OR51B2: variants seen among roughly 807,000 people sequenced by gnomAD.
OR51B2 encodes olfactory receptor family 51 subfamily B member 2.
For synonymous variants in OR51B2, 158 were observed against 135.3 expected (o/e 1.17, Z -1.16); for missense variants, 463 against 380.1 (o/e 1.22, Z -1.81).
In OR51B2 at chr11:5,323,534, C is replaced by A; in HGVS notation, c.764G>T (p.Gly255Val). ...CVLIFYVTVM[G>V]LTFIYRFGKN... ...CCCAAATCTGTAAATGAATGTCAAACCCATCACTGTAACATAGAAGATAAG... is the reference window on the plus strand; with the variant it reads ...CCCAAATCTGTAAATGAATGTCAAAACCATCACTGTAACATAGAAGATAAG... Residue 255 changes from glycine (G) to valine (V), a missense_variant, in exon 1 of 1, where the codon GGT becomes GTT. Transcript: ENST00000624187. The A allele has an allele frequency of 6.2e-7, 1 of 1,613,644 alleles. No homozygotes were observed. The highest frequency in any genetic ancestry group is 8.5e-7 in the Non-Finnish European group (1 of 1,179,686).
In OR51B2 at chr11:5,323,689, TA is replaced by T; in HGVS notation, c.608del (p.Leu203Ter). On this transcript the variant is annotated frameshift_variant, in exon 1 of 1. Transcript: ENST00000624187. LOFTEE classifies it low-confidence loss of function (END_TRUNC). ...NRLYPVILIS[L>X]TIFLDCLIIL... Reference sequence around the variant, plus strand: ...TGATCAGACAGTCTAGGAAGATTGTTAAAGAGATCAAAATTACAGGGTAAAG... The same window carrying T: ...TGATCAGACAGTCTAGGAAGATTGTTAAGAGATCAAAATTACAGGGTAAAG... The T allele has an allele frequency of 2.5e-6, 4 of 1,612,728 alleles. No homozygotes were observed. The East Asian group carries it at 8.9e-5, about 36-fold the overall frequency.
Position 5,324,293 on chromosome 11 carries a change from C to T in OR51B2, c.5G>A (p.Trp2Ter), listed in dbSNP as rs1564906753. Residue 2 changes from tryptophan (W) to a stop codon, truncating the protein, a stop_gained, in exon 1 of 1, where the codon TGG (tryptophan) becomes TAG (stop). Transcript: ENST00000624187. LOFTEE classifies it low-confidence loss of function (END_TRUNC). Reference sequence around the variant, plus strand: ...AAAAGGGGCTGCAGTAATATTGGGCCACATAGTGTATCCACCGGTAAAGAT... The same window carrying T: ...AAAAGGGGCTGCAGTAATATTGGGCTACATAGTGTATCCACCGGTAAAGAT... The part of the protein sequence containing the change: M[W>*]PNITAAPFLL... 2.5e-6 allele frequency: 4 copies of T among 1,607,718 alleles called. No individual in the cohort carries two copies. The highest frequency in any genetic ancestry group is 2.6e-6 in the Non-Finnish European group (3 of 1,176,268).
In OR51B2 at chr11:5,324,014, C is replaced by A; in HGVS notation, c.284G>T (p.Cys95Phe). 6.2e-7 allele frequency: 1 copy of A among 1,613,988 alleles called. No homozygotes were observed. The highest frequency in any genetic ancestry group is 8.5e-7 in the Non-Finnish European group (1 of 1,179,970). The change falls in exon 1 of 1, where the codon TGC becomes TTC. Residue 95 changes from cysteine (C) to phenylalanine (F), a missense_variant. Coordinates refer to ENST00000624187, the MANE Select transcript of OR51B2 (RefSeq NM_033180.5). The part of the protein sequence containing the change: ...VNHREISSVG[C>F]FLQAYFIHSL... ...GTGAATAAAGTAAGCCTGTAGGAAG[C>A]AGCCCACACTGCTAATCTCCCTGTG...
chr11:5,323,425 G>T lies in OR51B2; in HGVS notation c.873C>A (p.Ser291Arg), dbSNP rs778782954. The T allele has an allele frequency of 6.2e-7, 1 of 1,613,724 alleles. No individual in the cohort carries two copies. The highest frequency in any genetic ancestry group is 1.1e-5 in the South Asian group (1 of 91,076). Reference protein sequence around the residue: ...FPPLMNPVIYSIKTKQIQYGI... With the variant: ...FPPLMNPVIYRIKTKQIQYGI... ...CATATTGTATTTGCTTGGTTTTGATGCTGTAGATGACAGGGTTCATTAAAG... is the reference window on the plus strand; with the variant it reads ...CATATTGTATTTGCTTGGTTTTGATTCTGTAGATGACAGGGTTCATTAAAG... The change falls in exon 1 of 1, where the codon AGC becomes AGA. Residue 291 changes from serine (S) to arginine (R), a missense_variant. Transcript: ENST00000624187.
In OR51B2 at chr11:5,323,470, G is replaced by A; in HGVS notation, c.828C>T (p.Tyr276=). 1 of 1,613,216 alleles carries A rather than the reference G, an allele frequency of 6.2e-7. No homozygotes were observed. ...VPEVVHIIMS[Y]IYFLFPPLMN... ...TTAAAGGAGGAAAGAGGAAGTAGAT[G>A]TAACTCATGATAATGTGGACAACCT... Residue 276 remains tyrosine (Y), a synonymous_variant, in exon 1 of 1, where the codon TAC becomes TAT. Transcript: ENST00000624187.
At position 5,323,679 on chromosome 11, in the gene OR51B2, G is replaced by C; in HGVS notation, c.619C>G (p.Leu207Val). The C allele has an allele frequency of 6.2e-7, 1 of 1,612,788 alleles. No homozygotes were observed. Among genetic ancestry groups the C allele is most frequent in the African/African-American group, 1.3e-5 (1 of 74,932 alleles). ...GAGAAGAGGATGATCAGACAGTCTAGGAAGATTGTTAAAGAGATCAAAATT... is the reference window on the plus strand; with the variant it reads ...GAGAAGAGGATGATCAGACAGTCTACGAAGATTGTTAAAGAGATCAAAATT... ...PVILISLTIF[L>V]DCLIILFSYI... Residue 207 changes from leucine (L) to valine (V), a missense_variant, in exon 1 of 1, where the codon CTA becomes GTA. Coordinates refer to ENST00000624187, the MANE Select transcript of OR51B2 (RefSeq NM_033180.5).
chr11:5,323,717 C>T lies in OR51B2; in HGVS notation c.581G>A (p.Arg194Lys). 1 of 1,612,576 alleles carries T rather than the reference C, an allele frequency of 6.2e-7. No individual in the cohort carries two copies. The highest frequency in any genetic ancestry group is 1.1e-5 in the South Asian group (1 of 90,982). Residue 194 changes from arginine (R) to lysine (K), a missense_variant, in exon 1 of 1, where the codon AGA (arginine) becomes AAA (lysine). By Grantham distance (26) the Arg-to-Lys change is conservative. Coordinates refer to ENST00000624187, the MANE Select transcript of OR51B2 (RefSeq NM_033180.5). ...RLACADITFN[R>K]LYPVILISLT... is the part of the protein sequence containing the mutation. Reference sequence around the variant, plus strand: ...AGAGATCAAAATTACAGGGTAAAGTCTATTGAAAGTTATGTCAGCACAAGC... The same window carrying T: ...AGAGATCAAAATTACAGGGTAAAGTTTATTGAAAGTTATGTCAGCACAAGC...
chr11:5,324,281 G>A lies in OR51B2; in HGVS notation c.17C>T (p.Thr6Ile). The A allele has an allele frequency of 1.2e-6, 2 of 1,612,318 alleles. No individual in the cohort carries two copies. Among genetic ancestry groups the A allele is most frequent in the Admixed American group, 1.7e-5 (1 of 59,790 alleles). ...GCCAGTCAGCAAAAAAGGGGCTGCA[G>A]TAATATTGGGCCACATAGTGTATCC... MWPNI[T>I]AAPFLLTGFP... is the part of the protein sequence containing the mutation. The change falls in exon 1 of 1, where the codon ACT becomes ATT. Residue 6 changes from threonine (T) to isoleucine (I), a missense_variant. Coordinates refer to ENST00000624187, the MANE Select transcript of OR51B2 (RefSeq NM_033180.5).
At position 5,323,947 on chromosome 11, in the gene OR51B2, T is replaced by C. The variant is rs1848706309; in HGVS notation, c.351A>G (p.Ala117=). The C allele has an allele frequency of 6.2e-7, 1 of 1,613,876 alleles. No homozygotes were observed. Among genetic ancestry groups the C allele is most frequent in the Non-Finnish European group, 8.5e-7 (1 of 1,179,976 alleles). ...TGCGGATGGCAATGAAACAATCATA[T>C]GCCATTGCCAGGAGGGAACCTGATT... ...VVESGSLLAM[A]YDCFIAIRNP... The change falls in exon 1 of 1, where the codon GCA becomes GCG. Residue 117 remains alanine, a synonymous_variant. Transcript: ENST00000624187.
In OR51B2 at chr11:5,324,034, C is replaced by A. The variant is rs983385820; in HGVS notation, c.264G>T (p.Arg88Ser). The change falls in exon 1 of 1, where the codon AGG (arginine) becomes AGT (serine). Residue 88 changes from arginine to serine, a missense_variant. By Grantham distance (110) the Arg-to-Ser change is moderately radical (BLOSUM62 -1). Transcript: ENST00000624187. Reference protein sequence around the residue: ...TVMGILWVNHREISSVGCFLQ... With the variant: ...TVMGILWVNHSEISSVGCFLQ... ...GGAAGCAGCCCACACTGCTAATCTC[C>A]CTGTGATTCACCCATAGGATGCCCA... The A allele has an allele frequency of 6.2e-7, 1 of 1,613,744 alleles. No individual in the cohort carries two copies. The highest frequency in any genetic ancestry group is 1.3e-5 in the African/African-American group (1 of 74,878).
Position 5,324,217 on chromosome 11 carries a change from G to T in OR51B2, c.81C>A (p.Ile27=). ...TGCACACATAAACAGCAAAGAAGGG[G>T]ATGGAGATCCAGTGATGAGCTGCCT... The part of the protein sequence containing the change: ...GLEAAHHWIS[I]PFFAVYVCIL... The change falls in exon 1 of 1, where the codon ATC becomes ATA. Residue 27 remains isoleucine (I), a synonymous_variant. Coordinates refer to ENST00000624187, the MANE Select transcript of OR51B2 (RefSeq NM_033180.5). The T allele has an allele frequency of 3.1e-6, 5 of 1,614,016 alleles. No individual in the cohort carries two copies. The highest frequency in any genetic ancestry group is 2.2e-5 in the East Asian group (1 of 44,878).
Position 5,323,801 on chromosome 11 carries a change from T to C in OR51B2, c.497A>G (p.Tyr166Cys). Residue 166 changes from tyrosine (Y) to cysteine (C), a missense_variant, in exon 1 of 1, where the codon TAT (tyrosine) becomes TGT (cysteine). Transcript: ENST00000624187. ...PVILRLFSFS[Y>C]CKSHVITRAF... Reference sequence around the variant, plus strand: ...ACGTGTGATAACATGAGATTTGCAATATGAAAATGAAAAAAGACGCAAAAT... The same window carrying C: ...ACGTGTGATAACATGAGATTTGCAACATGAAAATGAAAAAAGACGCAAAAT... 2.5e-6 allele frequency: 4 copies of C among 1,613,736 alleles called. No homozygotes were observed. The highest frequency in any genetic ancestry group is 3.4e-6 in the Non-Finnish European group (4 of 1,179,932).
In OR51B2 at chr11:5,323,781, T is replaced by G; in HGVS notation, c.517A>C (p.Thr173Pro). 2 of 1,613,544 alleles carry G rather than the reference T, an allele frequency of 1.2e-6. No individual in the cohort carries two copies. The highest frequency in any genetic ancestry group is 1.7e-6 in the Non-Finnish European group (2 of 1,179,886). ...SFSYCKSHVI[T>P]RAFCLHQEIM... ...TCTTGGTGGAGGCAGAAAGCACGTG[T>G]GATAACATGAGATTTGCAATATGAA... is the stretch of plus-strand genomic sequence containing the variant. Residue 173 changes from threonine to proline, a missense_variant, in exon 1 of 1, where the codon ACA (threonine) becomes CCA (proline). By Grantham distance (38) the Thr-to-Pro change is conservative (BLOSUM62 -1). Transcript: ENST00000624187.
At position 5,324,128 on chromosome 11, in the gene OR51B2, A is replaced by G; in HGVS notation, c.170T>C (p.Met57Thr). 2 of 1,614,030 alleles carry G rather than the reference A, an allele frequency of 1.2e-6. No homozygotes were observed. The highest frequency in any genetic ancestry group is 1.7e-6 in the Non-Finnish European group (2 of 1,179,954). ...TGCCAGCATGGTGAGGAAGTAGTACATGGGCTCATGAAGACTGTGGTCATG... is the reference window on the plus strand; with the variant it reads ...TGCCAGCATGGTGAGGAAGTAGTACGTGGGCTCATGAAGACTGTGGTCATG... ...IKHDHSLHEPMYYFLTMLAGT... is the reference protein window; with the variant it reads ...IKHDHSLHEPTYYFLTMLAGT... The change falls in exon 1 of 1, where the codon ATG (methionine) becomes ACG (threonine). Residue 57 changes from methionine (M) to threonine (T), a missense_variant. Physicochemically the swap from Met to Thr is moderately conservative, Grantham distance 81. Coordinates refer to ENST00000624187, the MANE Select transcript of OR51B2 (RefSeq NM_033180.5).
chr11:5,323,541 C>G lies in OR51B2; in HGVS notation c.757G>C (p.Val253Leu). 6.2e-7 allele frequency: 1 copy of G among 1,613,646 alleles called. No individual in the cohort carries two copies. The highest frequency in any genetic ancestry group is 8.5e-7 in the Non-Finnish European group (1 of 1,179,692). ...CTGTAAATGAATGTCAAACCCATCA[C>G]TGTAACATAGAAGATAAGAACACAA... Reference protein sequence around the residue: ...ISCVLIFYVTVMGLTFIYRFG... With the variant: ...ISCVLIFYVTLMGLTFIYRFG... Residue 253 changes from valine (V) to leucine (L), a missense_variant, in exon 1 of 1, where the codon GTG becomes CTG. Coordinates refer to ENST00000624187, the MANE Select transcript of OR51B2 (RefSeq NM_033180.5).
At position 5,323,783 on chromosome 11, in the gene OR51B2, A is replaced by G; in HGVS notation, c.515T>C (p.Ile172Thr). 6.2e-7 allele frequency: 1 copy of G among 1,614,084 alleles called. No individual in the cohort carries two copies. Among genetic ancestry groups the G allele is most frequent in the Non-Finnish European group, 8.5e-7 (1 of 1,180,004 alleles). The change falls in exon 1 of 1, where the codon ATC becomes ACC. Residue 172 changes from isoleucine (I) to threonine (T), a missense_variant. Physicochemically the swap from Ile to Thr is moderately conservative, Grantham distance 89 (BLOSUM62 -1). Coordinates refer to ENST00000624187, the MANE Select transcript of OR51B2 (RefSeq NM_033180.5). The part of the protein sequence containing the change: ...FSFSYCKSHV[I>T]TRAFCLHQEI... ...TTGGTGGAGGCAGAAAGCACGTGTG[A>G]TAACATGAGATTTGCAATATGAAAA...
rs774521496 is a variant in OR51B2 at position 5,323,588 on chromosome 11, T to A, written c.710A>T (p.Asn237Ile). The A allele has an allele frequency of 6.2e-7, 1 of 1,612,974 alleles. No individual in the cohort carries two copies. Among genetic ancestry groups the A allele is most frequent in the South Asian group, 1.1e-5 (1 of 91,050 alleles). ...ACAACTAATGTGGGAGATACAGGTA[T>A]TGAGGGCTTTGGCTCTCTCTTCACC... Reference protein sequence around the residue: ...ASGEERAKALNTCISHISCVL... With the variant: ...ASGEERAKALITCISHISCVL... The change falls in exon 1 of 1, where the codon AAT becomes ATT. Residue 237 changes from asparagine (N) to isoleucine (I), a missense_variant. Transcript: ENST00000624187.
rs771557475 is a variant in OR51B2 at position 5,323,954 on chromosome 11, G to C, written c.344C>G (p.Ala115Gly). 6 of 1,613,846 alleles carry C rather than the reference G, an allele frequency of 3.7e-6. No homozygotes were observed. Among genetic ancestry groups the C allele is most frequent in the Admixed American group, 1.7e-5 (1 of 59,944 alleles). ...GGCAATGAAACAATCATATGCCATT[G>C]CCAGGAGGGAACCTGATTCCACAAC... Reference protein sequence around the residue: ...LSVVESGSLLAMAYDCFIAIR... With the variant: ...LSVVESGSLLGMAYDCFIAIR... Residue 115 changes from alanine to glycine, a missense_variant, in exon 1 of 1, where the codon GCA becomes GGA. Ala to Gly is a moderately conservative substitution (Grantham distance 60). Transcript: ENST00000624187.
At position 5,323,853 on chromosome 11, in the gene OR51B2, T is replaced by G. The variant is rs1424045822; in HGVS notation, c.445A>C (p.Arg149=). Residue 149 remains arginine, a synonymous_variant, in exon 1 of 1, where the codon AGG becomes CGG. Transcript: ENST00000624187. ...ACAGGCAGGATGGATACAAAACCCC[T>G]TAGAAACACTCCCACTCCTAACGCT... ...VIALGVGVFL[R]GFVSILPVIL... 6.2e-7 allele frequency: 1 copy of G among 1,613,880 alleles called. No individual in the cohort carries two copies. The highest frequency in any genetic ancestry group is 1.7e-5 in the Admixed American group (1 of 59,984).
Sources: allele counts gnomAD v4.1 joint callset, GRCh38; gene constraint gnomAD v4.1.1; transcripts MANE v1.5; gene names NCBI Gene and HGNC (gene_info 2026-07-23, HGNC 2026-07-21).